The following SNRPA1 variants were observed in gnomAD, a reference collection of about 807,000 sequenced individuals.
The protein encoded by SNRPA1 is small nuclear ribonucleoprotein polypeptide A'.
In SNRPA1, 5 loss-of-function variants were observed where a neutral mutation model predicts 32.3. The observed-to-expected ratio is 0.15, with a 90% CI of 0.08 to 0.33. The LOEUF (loss-of-function observed/expected upper bound fraction) is 0.33, where lower values mean the gene tolerates loss of function less well. SNRPA1 is among the 10% of genes least tolerant of loss of function. The pLI, the probability that SNRPA1 is intolerant of heterozygous loss-of-function variation, is 1.00. For missense variants in SNRPA1, 198 were observed against 311.1 expected (o/e 0.64, Z 2.74); for synonymous variants, 111 against 120.1 (o/e 0.92, Z 0.50).
intron 1 of SNRPA1, among the ~76,000 whole-genome samples, chr15:101,293,964 T>G (rs931166716): frequency 1.3e-5 from 2 of 152,222 alleles, no homozygotes; most frequent in South Asian, 4.1e-4. Flanking sequence ...CCGGGCGCAG[T>G]GGCTCAAGCC....
At chr15:101,283,319 C>A (rs557160527) in intron 8 of SNRPA1, among the ~76,000 whole-genome samples, 7 of 151,450 alleles carry the variant, frequency 4.6e-5, no homozygotes, top group East Asian at 1.9e-4. Context: ...GAGGCCAAGG[C>A]GGGTGGATCA....
At chr15:101,282,463 A>T (rs749501044) in intron 8 of SNRPA1, among the ~76,000 whole-genome samples, 14 of 152,214 alleles carry the variant, frequency 9.2e-5, no homozygotes, top group Non-Finnish European at 1.3e-4. Context: ...AAAAGGGAGG[A>T]AGATTTTAAC....
intron 8 of SNRPA1, chr15:101,284,710 C>G (rs1372351585): frequency 3.3e-6 from 1 of 306,000 alleles, no homozygotes; most frequent in African/African-American, 2.2e-5. Flanking sequence ...CCATGTTGGT[C>G]AGGCTGGTCT....
intron 7 of SNRPA1, 36 bp downstream of exon 7, chr15:101,285,690 G>T: frequency 1.4e-6 from 2 of 1,405,520 alleles, no homozygotes; most frequent in Non-Finnish European, 1.0e-6. Flanking sequence ...ACCCATCTTA[G>T]CTCATTCCAG....
intron 5 of SNRPA1, 22 bp downstream of exon 5, chr15:101,286,886 C>T: frequency 8.0e-7 from 1 of 1,256,680 alleles, no homozygotes; most frequent in East Asian, 2.3e-5. Context: ...TAATGGCTCA[C>T]AAGCAACAGA....
chr15:101,287,577 G>C, intron 4 of SNRPA1, 79 bp downstream of exon 4: 2 of 1,217,146 alleles, frequency 1.6e-6, no homozygotes, highest in Non-Finnish European at 2.4e-6. Context: ...TTAATTATCT[G>C]ATTACATTAA....
At chr15:101,289,120 A>G (rs1233207075) in intron 3 of SNRPA1, among the ~76,000 whole-genome samples, 1 of 152,212 alleles carries the variant, frequency 6.6e-6, no homozygotes, top group Admixed American at 6.5e-5. Flanking sequence ...AGAGCTTGAT[A>G]CTGTTTTACC....
At chr15:101,294,870 T>C (rs568110327) in intron 1 of SNRPA1, 2 of 427,886 alleles carry the variant, frequency 4.7e-6, no homozygotes, top group South Asian at 1.0e-4. Flanking sequence ...AAGTCACCCG[T>C]GCCTGTCAAG....
intron 1 of SNRPA1, 73 bp downstream of exon 1, chr15:101,295,024 C>T (rs1255500109): frequency 1.9e-6 from 2 of 1,033,100 alleles, no homozygotes; most frequent in Non-Finnish European, 2.6e-6. Context: ...GCCTTCGGTG[C>T]ACGCGGCAAA....
intron 8 of SNRPA1, among the ~76,000 whole-genome samples, chr15:101,284,507 C>CTTTTTTT (rs58361573): frequency 7.0e-6 from 1 of 142,678 alleles, no homozygotes. Flanking sequence ...CATGAAATAC[C>CTTTTTTT]TTTTTTTTTT....
intron 3 of SNRPA1, among the ~76,000 whole-genome samples, chr15:101,289,555 G>C (rs972017176): frequency 6.6e-6 from 1 of 151,998 alleles, no homozygotes; most frequent in African/African-American, 2.4e-5. Flanking sequence ...AGACAAACTG[G>C]AACACACCAG....
At chr15:101,287,831 C>A in intron 3 of SNRPA1, 129 bp from the exon 4 acceptor site, 1 of 730,480 alleles carries the variant, frequency 1.4e-6, no homozygotes, top group Non-Finnish European at 2.4e-6. Context: ...AGCAACAAGC[C>A]CAATACTAGC....
In SNRPA1 at chr15:101,295,221, C is replaced by G. The variant is rs1407903926; in HGVS notation, c.-43G>C. 1 of 1,475,136 alleles carries G rather than the reference C, an allele frequency of 6.8e-7. No individual in the cohort carries two copies. The highest frequency in any genetic ancestry group is 1.3e-5 in the South Asian group (1 of 77,332). The allele number at this position is 1,475,136 out of a possible 1,614,324, so 91.4% of individuals were successfully genotyped here. A position where few individuals can be genotyped will look rare whatever the true frequency, so the allele number is the denominator to read the frequency against. On this transcript the variant is annotated 5_prime_UTR_variant, in exon 1 of 9. Coordinates refer to ENST00000254193, the MANE Select transcript of SNRPA1 (RefSeq NM_003090.4). ...CCCCGCGCTGTGGAAAGCCCGTGGC[C>G]TCCCGCCAGCGAGACGTCCCAGCGT...
chr15:101,293,469 G>A (rs2039551157), intron 1 of SNRPA1: 2 of 202,350 alleles, frequency 9.9e-6, no homozygotes, highest in African/African-American at 4.6e-5. Context: ...TTTACAAGGT[G>A]CCTCACACTG....
chr15:101,284,551 G>A (rs2039433456), intron 8 of SNRPA1, among the ~76,000 whole-genome samples: 1 of 150,172 alleles, frequency 6.7e-6, no homozygotes, highest in African/African-American at 2.5e-5. Context: ...TGCCCAGGCT[G>A]GAGTACAAAA....
intron 1 of SNRPA1, among the ~76,000 whole-genome samples, chr15:101,294,601 G>A (rs1050190481): frequency 2.0e-5 from 3 of 152,196 alleles, no homozygotes; most frequent in Non-Finnish European, 4.4e-5. Flanking sequence ...GACAATTAAA[G>A]CTACTAAGTA....
intron 8 of SNRPA1, among the ~76,000 whole-genome samples, chr15:101,284,183 T>C (rs1029006491): frequency 6.6e-6 from 1 of 152,236 alleles, no homozygotes; most frequent in African/African-American, 2.4e-5. Flanking sequence ...TGTTGAGCCT[T>C]GTGCTGTGTT....
chr15:101,286,846 C>T (rs1596470679), intron 5 of SNRPA1, 62 bp downstream of exon 5: 1 of 847,242 alleles, frequency 1.2e-6, no homozygotes, highest in Non-Finnish European at 1.9e-6. Flanking sequence ...TAATCAGTAA[C>T]AAAAATATAA....
chr15:101,287,187 T>G (rs2141308572), intron 4 of SNRPA1, among the ~76,000 whole-genome samples, 177 bp from the exon 5 acceptor site: 1 of 152,134 alleles, frequency 6.6e-6, no homozygotes, highest in South Asian at 2.1e-4. Context: ...AAAAGGCACT[T>G]TTTTTTTAAA....
Sources: gnomAD v4.1 joint callset for allele counts (sites outside exome capture counted in the v4.1 genomes callset) on GRCh38, gnomAD v4.1.1 for gene constraint, MANE v1.5 for transcripts, NCBI Gene and HGNC (gene_info 2026-07-23, HGNC 2026-07-21) for gene names.